LRPPRC: variants seen among roughly 807,000 people sequenced by gnomAD.
LRPPRC encodes the protein leucine rich pentatricopeptide repeat containing.
In LRPPRC, 120 loss-of-function variants were observed where a neutral mutation model predicts 180.3. The observed-to-expected ratio is 0.67, with a 90% confidence interval of 0.57 to 0.77. LRPPRC has a LOEUF of 0.77. Ranked by LOEUF, LRPPRC falls within the 30% of genes least tolerant of loss-of-function variation. LRPPRC has a pLI of 0.00. For missense variants in LRPPRC, 2,012 were observed against 1,657.2 expected (o/e 1.21, Z -3.72); for synonymous variants, 723 against 600.0 (o/e 1.21, Z -3.00).
chr2:43,977,097 C>T (rs1429262821), intron 4 of LRPPRC, 45 bp from the exon 5 acceptor site: 4 of 1,606,866 alleles, frequency 2.5e-6, no homozygotes, highest in Middle Eastern at 1.6e-4. Flanking sequence ...ACTTTTTTTT[C>T]TGAGTAAAGA....
chr2:43,933,949 AT>A (rs1017440297), intron 25 of LRPPRC, among the ~76,000 whole-genome samples: 1 of 152,164 alleles, frequency 6.6e-6, no homozygotes, highest in African/African-American at 2.4e-5. Context: ...TCATTTTGAT[AT>A]ATAATAGTGA....
intron 37 of LRPPRC, among the ~76,000 whole-genome samples, chr2:43,889,450 C>G (rs1294341698): frequency 6.6e-6 from 1 of 150,744 alleles, no homozygotes; most frequent in Non-Finnish European, 1.5e-5. Flanking sequence ...AATCCTATTT[C>G]AAGTTGAAAT....
chr2:43,915,540 C>T lies in LRPPRC; in HGVS notation c.3148+2485G>A, dbSNP rs907882099. On this transcript the variant is annotated intron_variant, in intron 29 of 37. Transcript: ENST00000260665. ...CTCTACTAAAAATACAAAAACTAGCCGGGCGTGGTGGTGTGCGCCTGTAGT... is the reference window on the plus strand; with the variant it reads ...CTCTACTAAAAATACAAAAACTAGCTGGGCGTGGTGGTGTGCGCCTGTAGT... Among the ~76,000 whole-genome samples the T allele has an allele frequency of 4.0e-5, 6 of 151,840 alleles. 1 individual carries two copies. Among genetic ancestry groups the T allele is most frequent in the Admixed American group, 1.3e-4 (2 of 15,222 alleles).
At chr2:43,924,556 T>G (rs1671809596) in intron 27 of LRPPRC, among the ~76,000 whole-genome samples, 1 of 152,182 alleles carries the variant, frequency 6.6e-6, no homozygotes, top group Admixed American at 6.5e-5. Context: ...ATAAGTTATT[T>G]GTAGGTGATT....
intron 11 of LRPPRC, among the ~76,000 whole-genome samples, chr2:43,968,678 G>A (rs1203227663): frequency 3.3e-5 from 5 of 152,110 alleles, no homozygotes; most frequent in African/African-American, 7.2e-5. Flanking sequence ...AAAAACAGTC[G>A]AAAACTCACA....
chr2:43,933,508 G>A (rs1019436811), intron 25 of LRPPRC, among the ~76,000 whole-genome samples: 4 of 152,084 alleles, frequency 2.6e-5, no homozygotes, highest in Admixed American at 6.5e-5. Flanking sequence ...CATCTTCTGC[G>A]GAATGTTTTG....
chr2:43,974,942 T>C (rs999693654), intron 7 of LRPPRC, 149 bp downstream of exon 7: 1 of 944,618 alleles, frequency 1.1e-6, no homozygotes, highest in Non-Finnish European at 1.6e-6. Context: ...ACCGAGATAC[T>C]AAACTATAAT....
intron 35 of LRPPRC, among the ~76,000 whole-genome samples, chr2:43,895,131 C>T (rs1044665848): frequency 2.0e-5 from 3 of 152,078 alleles, no homozygotes; most frequent in African/African-American, 4.8e-5. Flanking sequence ...TTTCCTGTAG[C>T]GAGTGAATAC....
rs751068848 is a variant in LRPPRC, at chr2:43,889,877, C to G, written c.3986-1G>C. On this transcript the variant is annotated splice_acceptor_variant, in intron 36 of 37. Coordinates refer to ENST00000260665, the MANE Select transcript of LRPPRC (RefSeq NM_133259.4). LOFTEE classifies it high-confidence loss of function. Reference sequence around the variant, plus strand: ...GCAGATGTGACATCTTTCTCTGAGACTGACATAAAGAAAAAAATATATTAA... The same window carrying G: ...GCAGATGTGACATCTTTCTCTGAGAGTGACATAAAGAAAAAAATATATTAA... The G allele has an allele frequency of 1.2e-6, 2 of 1,602,384 alleles. No homozygotes were observed. Among genetic ancestry groups the G allele is most frequent in the South Asian group, 2.2e-5 (2 of 90,834 alleles).
chr2:43,943,670 A>C lies in LRPPRC; in HGVS notation c.2504+17T>G. ...TTTTAATGCCAACATTTAAAATTCA[A>C]AATTCAATTAACTTACTTTTCCAAG... On this transcript the variant is annotated intron_variant, in intron 23 of 37. Transcript: ENST00000260665. 6.2e-7 allele frequency: 1 copy of C among 1,600,464 alleles called. No individual in the cohort carries two copies. Among genetic ancestry groups the C allele is most frequent in the Non-Finnish European group, 8.6e-7 (1 of 1,167,606 alleles).
chr2:43,982,216 T>G (rs773396258), intron 2 of LRPPRC, 22 bp downstream of exon 2: 4 of 1,534,202 alleles, frequency 2.6e-6, no homozygotes, highest in Non-Finnish European at 2.6e-6. Context: ...GTCAACTTTA[T>G]GAACAGGAAA....
intron 27 of LRPPRC, among the ~76,000 whole-genome samples, chr2:43,918,839 CTATATATAGAGA>C (rs1671587963): frequency 6.9e-6 from 1 of 145,574 alleles, no homozygotes; most frequent in Non-Finnish European, 1.5e-5. Context: ...ATAGATATCT[CTATATATAGAGA>C]TATATATATA....
At chr2:43,914,544 G>C (rs983648809) in intron 29 of LRPPRC, among the ~76,000 whole-genome samples, 1 of 151,662 alleles carries the variant, frequency 6.6e-6, no homozygotes, top group South Asian at 2.1e-4. Context: ...CCTAGACAAC[G>C]TAGTGAAACG....
chr2:43,918,042 C>T lies in LRPPRC; in HGVS notation c.3131G>A (p.Arg1044Gln), dbSNP rs770949474. ...DFQKDILIAC[R>Q]LNQKKGAYDI... The stretch of plus-strand genomic sequence containing the variant: ...GTGCTTGCCTTTTTTTTGGTTCAAT[C>T]GGCAGGCAATCAATATATCTTTCTG... Residue 1044 changes from arginine to glutamine, a missense_variant, in exon 29 of 38, where the codon CGA (arginine) becomes CAA (glutamine). By Grantham distance (43) the Arg-to-Gln change is conservative (BLOSUM62 1). Coordinates refer to ENST00000260665, the MANE Select transcript of LRPPRC (RefSeq NM_133259.4). The T allele has an allele frequency of 3.8e-6, 6 of 1,567,300 alleles. No individual in the cohort carries two copies. The highest frequency in any genetic ancestry group is 1.1e-5 in the South Asian group (1 of 90,292).
chr2:43,935,204 A>G (rs954354732), intron 23 of LRPPRC, among the ~76,000 whole-genome samples: 3 of 152,204 alleles, frequency 2.0e-5, no homozygotes, highest in African/African-American at 7.2e-5. Flanking sequence ...TTTATGTAGA[A>G]AGTTGCTGTA....
In LRPPRC at chr2:43,974,943, A is replaced by G. The variant is rs1034802467; in HGVS notation, c.864+148T>C. On this transcript the variant is annotated intron_variant, in intron 7 of 37. Transcript: ENST00000260665. ...TGTTACATACCAGCACCGAGATACT[A>G]AACTATAATAATTCTCCATAAATAC... 22 of 949,986 alleles carry G rather than the reference A, an allele frequency of 2.3e-5. No individual in the cohort carries two copies. The African/African-American group carries it at 2.8e-4, about 12-fold the overall frequency. The allele number at this position is 949,986 out of a possible 1,614,324, so 58.8% of individuals were successfully genotyped here. A position where few individuals can be genotyped will look rare whatever the true frequency, so the allele number is the denominator to read the frequency against.
intron 12 of LRPPRC, among the ~76,000 whole-genome samples, chr2:43,960,999 T>C (rs1363651193): frequency 5.9e-5 from 9 of 152,186 alleles, no homozygotes; most frequent in African/African-American, 2.2e-4. Context: ...ATTTAACTCA[T>C]AGAGGCTCAT....
chr2:43,952,794 A>C (rs115539600), intron 14 of LRPPRC, among the ~76,000 whole-genome samples: 2,676 of 152,294 alleles, frequency 0.018, 87 homozygotes, highest in African/African-American at 0.062. Context: ...CAGTCCCCTA[A>C]AAGAATCCCA....
chr2:43,955,327 G>A (rs1673063777), intron 14 of LRPPRC, among the ~76,000 whole-genome samples: 1 of 151,714 alleles, frequency 6.6e-6, no homozygotes, highest in South Asian at 2.1e-4. Context: ...AAATTAGCTG[G>A]GCGTGGTAGT....
Sources: gnomAD v4.1 joint callset for allele counts (sites outside exome capture counted in the v4.1 genomes callset) on GRCh38, gnomAD v4.1.1 for gene constraint, MANE v1.5 for transcripts, NCBI Gene and HGNC (gene_info 2026-07-23, HGNC 2026-07-21) for gene names.